Variants in MAP3K2 observed in about 807,000 individuals in gnomAD.
The protein encoded by MAP3K2 is mitogen-activated protein kinase kinase kinase 2.
In MAP3K2, 24 loss-of-function variants were observed where a neutral mutation model predicts 80.3. The observed-to-expected ratio is 0.30, with a 90% CI of 0.22 to 0.42. The LOEUF (loss-of-function observed/expected upper bound fraction) is 0.42. MAP3K2 is among the 10% of genes least tolerant of loss of function. The pLI is 1.00. For synonymous variants in MAP3K2, 244 were observed against 253.7 expected, an observed-to-expected ratio of 0.96 and a Z score of 0.36; for missense variants, 608 against 750.1, an observed-to-expected ratio of 0.81 and a Z score of 2.21.
intron 1 of MAP3K2, among the ~76,000 whole-genome samples, chr2:127,347,574 T>C (rs541191465): frequency 9.2e-5 from 14 of 151,832 alleles, no homozygotes; most frequent in Non-Finnish European, 1.5e-4. Flanking sequence ...CAAAACACTG[T>C]TGAAAGAAAT....
At chr2:127,343,515 T>TA (rs1214278738) in intron 1 of MAP3K2, among the ~76,000 whole-genome samples, 1 of 152,164 alleles carries the variant, frequency 6.6e-6, no homozygotes, top group Admixed American at 6.5e-5. Flanking sequence ...GGCTAACTCC[T>TA]AAGCAGGCCT....
At chr2:127,353,629 A>AACCCCGGCCCGGCCAGCC (rs1686743396) in intron 1 of MAP3K2, among the ~76,000 whole-genome samples, 2 of 146,928 alleles carry the variant, frequency 1.4e-5, no homozygotes, top group Non-Finnish European at 3.0e-5. Flanking sequence ...GGGGGGGTCA[A>AACCCCGGCCCGGCCAGCC]ACCCCGGCCC....
In MAP3K2 at chr2:127,318,266, G is replaced by A. The variant is rs748995143; in HGVS notation, c.1097C>T (p.Ala366Val). 2 of 1,608,990 alleles carry A rather than the reference G, an allele frequency of 1.2e-6. No individual in the cohort carries two copies. The change falls in exon 13 of 17, where the codon GCC (alanine) becomes GTC (valine). Residue 366 changes from alanine to valine, a missense_variant. Transcript: ENST00000682094. The part of the protein sequence containing the change: ...WRLGKLLGQG[A>V]FGRVYLCYDV... ...ATAACAGAGGTAGACCCTTCCAAAG[G>A]CTCCTTGGCCAAGCAGTTTGCCCAA...
chr2:127,358,279 C>T (rs1686827890), intron 1 of MAP3K2, among the ~76,000 whole-genome samples: 1 of 152,136 alleles, frequency 6.6e-6, no homozygotes, highest in Non-Finnish European at 1.5e-5. Context: ...ACTAGCCATC[C>T]AAAGTGTTGG....
intron 1 of MAP3K2, among the ~76,000 whole-genome samples, chr2:127,384,190 C>T (rs906449522): frequency 2.7e-5 from 4 of 146,778 alleles, no homozygotes; most frequent in African/African-American, 7.7e-5. Flanking sequence ...CCACCGTGCC[C>T]GGCCAACAAA....
chr2:127,351,498 C>G (rs574716934), intron 1 of MAP3K2, among the ~76,000 whole-genome samples: 1 of 152,280 alleles, frequency 6.6e-6, no homozygotes, highest in Admixed American at 6.5e-5. Flanking sequence ...AGAAGCATCT[C>G]TATTTTTCCA....
chr2:127,368,697 T>C (rs1450214442), intron 1 of MAP3K2, among the ~76,000 whole-genome samples: 1 of 152,204 alleles, frequency 6.6e-6, no homozygotes, highest in East Asian at 1.9e-4. Context: ...TCCCATATAC[T>C]TTAAATCATC....
intron 13 of MAP3K2, 73 bp from the exon 14 acceptor site, chr2:127,317,833 T>A: frequency 1.5e-6 from 2 of 1,360,832 alleles, no homozygotes; most frequent in Non-Finnish European, 2.0e-6. Context: ...TCATGGACCA[T>A]CAAGGTGATT....
At chr2:127,388,265 T>A (rs1687421389), upstream of MAP3K2, 1 of 985,062 alleles carries the variant, frequency 1.0e-6, no homozygotes, top group Non-Finnish European at 1.2e-6. Flanking sequence ...GTCTCGAGCC[T>A]GCGGTAGTGG....
chr2:127,374,968 C>A (rs747001668), intron 1 of MAP3K2, among the ~76,000 whole-genome samples: 5 of 152,188 alleles, frequency 3.3e-5, no homozygotes, highest in Non-Finnish European at 7.3e-5. Context: ...ACTACTAGCA[C>A]AAGCCTTATT....
At chr2:127,320,910 A>C (rs1403779818) in intron 12 of MAP3K2, among the ~76,000 whole-genome samples, 3 of 152,176 alleles carry the variant, frequency 2.0e-5, no homozygotes, top group Non-Finnish European at 4.4e-5. Flanking sequence ...GCTTAAGCCC[A>C]AGAGTTCAAG....
At chr2:127,319,183 T>C (rs528284177) in intron 12 of MAP3K2, among the ~76,000 whole-genome samples, 3 of 146,978 alleles carry the variant, frequency 2.0e-5, no homozygotes, top group East Asian at 4.1e-4. Flanking sequence ...CAGCAAACCC[T>C]GTCACCCCTG....
At chr2:127,373,561 C>A (rs1443586481) in intron 1 of MAP3K2, among the ~76,000 whole-genome samples, 1 of 152,168 alleles carries the variant, frequency 6.6e-6, no homozygotes, top group African/African-American at 2.4e-5. Flanking sequence ...TATTTAACTC[C>A]TACGGCACAA....
Position 127,322,080 on chromosome 2 carries a change from A to T in MAP3K2, c.1011T>A (p.Thr337=). 3 of 1,613,712 alleles carry T rather than the reference A, an allele frequency of 1.9e-6. No homozygotes were observed. The highest frequency in any genetic ancestry group is 2.5e-6 in the Non-Finnish European group (3 of 1,179,798). ...GTGGGCTGATGTCCATTACGGTCAA[A>T]GTAGGATTGTCTATGTCACTTCCCC... ...RRRGSDIDNP[T]LTVMDISPPS... The change falls in exon 12 of 17, where the codon ACT becomes ACA. Residue 337 remains threonine, a synonymous_variant. Coordinates refer to ENST00000682094, the MANE Select transcript of MAP3K2 (RefSeq NM_001371910.2). This position sits in a 1 kb window ranked among gnomAD's most constrained non-coding sequence, Gnocchi z 4.2.
intron 1 of MAP3K2, among the ~76,000 whole-genome samples, chr2:127,347,107 A>G (rs1381007338): frequency 6.6e-6 from 1 of 152,170 alleles, no homozygotes; most frequent in Non-Finnish European, 1.5e-5. Flanking sequence ...CAAACAGAAG[A>G]GGACATAATC....
chr2:127,363,126 A>G lies in MAP3K2; in HGVS notation c.-65-19932T>C, dbSNP rs190347237. ...GTAGGTTGCATGCAAGTACTACTCA[A>G]TTTTATATAAGAGATGTTGAGCAAC... On this transcript the variant is annotated intron_variant, in intron 1 of 16. Transcript: ENST00000682094. Among the ~76,000 whole-genome samples, 45 of 152,298 alleles carry G rather than the reference A, an allele frequency of 3.0e-4. 1 individual carries two copies. Among genetic ancestry groups the G allele is most frequent in the African/African-American group, 9.6e-4 (40 of 41,542 alleles).
chr2:127,346,234 C>A (rs1358878581), intron 1 of MAP3K2, among the ~76,000 whole-genome samples: 2 of 151,216 alleles, frequency 1.3e-5, no homozygotes, highest in East Asian at 3.9e-4. Flanking sequence ...TGAGATGACA[C>A]AGACAAATTC....
chr2:127,361,506 G>C (rs1192725402), intron 1 of MAP3K2, among the ~76,000 whole-genome samples: 2 of 152,010 alleles, frequency 1.3e-5, no homozygotes, highest in African/African-American at 2.4e-5. Context: ...CAAATTGTTT[G>C]AATGATCACA....
chr2:127,308,752 G>A lies in MAP3K2; in HGVS notation c.1467C>T (p.Ile489=). The change falls in exon 16 of 17, where the codon ATC becomes ATT. Residue 489 remains isoleucine (I), a synonymous_variant. Transcript: ENST00000682094. ...TGACGTTGCCTGTTGAATCTCGCAG[G>A]ATATTTGCGCCTAAAAATAAGACAT... ...IVHRDIKGAN[I]LRDSTGNVKL... 6.2e-7 allele frequency: 1 copy of A among 1,612,952 alleles called. No homozygotes were observed. Among genetic ancestry groups the A allele is most frequent in the Non-Finnish European group, 8.5e-7 (1 of 1,179,324 alleles).
Sources: gnomAD v4.1 joint callset for allele counts (sites outside exome capture counted in the v4.1 genomes callset) on GRCh38, gnomAD v4.1.1 for gene constraint, Gnocchi (gnomAD v3.1) non-coding constraint, MANE v1.5 for transcripts, NCBI Gene and HGNC (gene_info 2026-07-23, HGNC 2026-07-21) for gene names.